Variants in NRXN1 observed in about 807,000 individuals in gnomAD.
NRXN1 encodes the protein neurexin 1.
In NRXN1, 39 loss-of-function variants were observed where a neutral mutation model predicts 150.9. The ratio of observed to expected loss-of-function variants is 0.26; its 90% CI spans 0.20 to 0.34. The LOEUF (loss-of-function observed/expected upper bound fraction) is 0.34. Ranked by LOEUF, NRXN1 falls within the 10% of genes least tolerant of loss-of-function variation. NRXN1 has a pLI of 1.00. For synonymous variants in NRXN1, 924 were observed against 757.0 expected (o/e 1.22, Z -3.62); for missense variants, 1,815 against 1,949.9 (o/e 0.93, Z 1.30).
chr2:50,408,934 G>T (rs894228226), intron 17 of NRXN1, among the ~76,000 whole-genome samples: 7 of 151,064 alleles, frequency 4.6e-5, no homozygotes, highest in African/African-American at 1.7e-4. Flanking sequence ...TAGTATGAGG[G>T]GACTAAATTA....
intron 9 of NRXN1, among the ~76,000 whole-genome samples, 162 bp downstream of exon 9, chr2:50,552,421 CTCTT>C (rs1359290521): frequency 6.6e-6 from 1 of 152,134 alleles, no homozygotes; most frequent in Non-Finnish European, 1.5e-5. Context: ...AATTAATTAG[CTCTT>C]TCTTTCATGG....
At chr2:50,317,298 C>T (rs978087024) in intron 17 of NRXN1, among the ~76,000 whole-genome samples, 3 of 151,754 alleles carry the variant, frequency 2.0e-5, no homozygotes, top group African/African-American at 4.8e-5. Context: ...TAAAAAGAAA[C>T]CCTTACCAAG....
chr2:50,759,670 C>T (rs543453580), intron 5 of NRXN1, among the ~76,000 whole-genome samples: 5 of 151,796 alleles, frequency 3.3e-5, no homozygotes, highest in East Asian at 1.9e-4. Flanking sequence ...TAAACTGTTA[C>T]GGTCTATTCT....
chr2:50,820,319 A>G (rs1669541359), intron 5 of NRXN1, among the ~76,000 whole-genome samples: 2 of 152,042 alleles, frequency 1.3e-5, no homozygotes, highest in South Asian at 4.1e-4. Flanking sequence ...ACTTTCTAAC[A>G]CCACTTCCTG....
chr2:50,323,939 C>G (rs2076214924), intron 17 of NRXN1, among the ~76,000 whole-genome samples: 1 of 152,112 alleles, frequency 6.6e-6, no homozygotes, highest in Non-Finnish European at 1.5e-5. Flanking sequence ...GTTCTAGAAA[C>G]TCAAAGTAGT....
chr2:50,646,234 A>G (rs1413163012), intron 5 of NRXN1, among the ~76,000 whole-genome samples: 2 of 151,960 alleles, frequency 1.3e-5, no homozygotes, highest in African/African-American at 4.8e-5. Flanking sequence ...AATCAGTACA[A>G]AACAAAAGGC....
At chr2:50,731,898 C>T (rs1167850403) in intron 5 of NRXN1, among the ~76,000 whole-genome samples, 1 of 152,012 alleles carries the variant, frequency 6.6e-6, no homozygotes, top group African/African-American at 2.4e-5. Flanking sequence ...GATAACGGGC[C>T]CAGTTATCTT....
intron 21 of NRXN1, among the ~76,000 whole-genome samples, chr2:49,975,376 C>G (rs959242379): frequency 2.0e-5 from 3 of 151,912 alleles, no homozygotes; most frequent in Middle Eastern, 3.2e-3. Flanking sequence ...TCTGGCAACA[C>G]TATTTAGAAA....
At chr2:50,796,365 A>T (rs1440722291) in intron 5 of NRXN1, among the ~76,000 whole-genome samples, 2 of 152,162 alleles carry the variant, frequency 1.3e-5, no homozygotes, top group African/African-American at 4.8e-5. Context: ...CAATTTTGGA[A>T]TGAAGGCCTT....
intron 15 of NRXN1, among the ~76,000 whole-genome samples, chr2:50,494,733 T>C (rs992155905): frequency 2.0e-5 from 3 of 152,176 alleles, no homozygotes; most frequent in Non-Finnish European, 4.4e-5. Flanking sequence ...CATTTTTCTC[T>C]AGAAAGAGTT....
At chr2:51,023,341 G>A (rs1669922489) in intron 2 of NRXN1, among the ~76,000 whole-genome samples, 1 of 152,186 alleles carries the variant, frequency 6.6e-6, no homozygotes, top group African/African-American at 2.4e-5. Context: ...TGGTCCAGAA[G>A]GTTGTGCACT....
chr2:49,967,922 T>A (rs1677236675), intron 21 of NRXN1, among the ~76,000 whole-genome samples: 1 of 152,086 alleles, frequency 6.6e-6, no homozygotes. Context: ...AGGTATCATT[T>A]CAGTCAGTTT....
At chr2:50,329,836 G>A (rs112429792) in intron 17 of NRXN1, among the ~76,000 whole-genome samples, 5,175 of 150,102 alleles carry the variant, frequency 0.034, 303 homozygotes, top group African/African-American at 0.12. Context: ...ACCATGCCCG[G>A]CTAATTTTTT....
At chr2:50,110,449 G>C (rs1223829744) in intron 18 of NRXN1, among the ~76,000 whole-genome samples, 2 of 139,036 alleles carry the variant, frequency 1.4e-5, no homozygotes, top group African/African-American at 5.6e-5. Flanking sequence ...CTGAGATCGC[G>C]CCACCGCACT....
intron 18 of NRXN1, among the ~76,000 whole-genome samples, chr2:50,190,399 G>C (rs1415391023): frequency 6.6e-6 from 1 of 152,040 alleles, no homozygotes; most frequent in East Asian, 1.9e-4. Context: ...ACTTCAAAGA[G>C]AATTTTGTCT....
intron 5 of NRXN1, among the ~76,000 whole-genome samples, chr2:50,691,723 A>G (rs1038935230): frequency 3.9e-5 from 6 of 152,236 alleles, no homozygotes; most frequent in African/African-American, 9.6e-5. Context: ...CCCTCGCCAC[A>G]TATCACCAGA....
intron 21 of NRXN1, among the ~76,000 whole-genome samples, chr2:50,026,595 G>C (rs1688316118): frequency 6.6e-6 from 1 of 152,034 alleles, no homozygotes; most frequent in African/African-American, 2.4e-5. Flanking sequence ...GAGCTGTTGG[G>C]AGAATTACAA....
intron 5 of NRXN1, among the ~76,000 whole-genome samples, chr2:50,749,842 C>G (rs551127675): frequency 2.0e-5 from 3 of 151,986 alleles, no homozygotes; most frequent in Non-Finnish European, 2.9e-5. Context: ...GTCCCAAGTA[C>G]ATTGATGGCT....
chr2:50,591,936 T>C (rs1177811464), intron 8 of NRXN1, among the ~76,000 whole-genome samples: 1 of 146,710 alleles, frequency 6.8e-6, no homozygotes, highest in Non-Finnish European at 1.5e-5. Context: ...CTCAAACAGT[T>C]ACTGTGTTGG....
Sources: gnomAD v4.1 joint callset for allele counts (sites outside exome capture counted in the v4.1 genomes callset) on GRCh38, gnomAD v4.1.1 for gene constraint, MANE v1.5 for transcripts, NCBI Gene and HGNC (gene_info 2026-07-23, HGNC 2026-07-21) for gene names.